Variants in KLHL1 observed in about 807,000 individuals in gnomAD.
KLHL1 encodes the protein kelch-like protein 1.
KLHL1 carries 47 observed loss-of-function variants against 77.7 expected under a neutral mutation model. The observed-to-expected ratio is 0.60, with a 90% CI of 0.48 to 0.77. KLHL1 has a LOEUF of 0.77. Ranked by LOEUF, KLHL1 falls within the 30% of genes least tolerant of loss-of-function variation. The probability of loss-of-function intolerance (pLI) is 0.00; values close to 1 mark genes in which losing one functional copy is unlikely to be tolerated. For synonymous variants in KLHL1, 360 were observed against 325.2 expected (o/e 1.11, Z -1.15); for missense variants, 925 against 910.8 (o/e 1.02, Z -0.20).
intron 8 of KLHL1, among the ~76,000 whole-genome samples, chr13:69,722,299 A>G (rs1307944688): frequency 6.6e-6 from 1 of 152,158 alleles, no homozygotes; most frequent in East Asian, 1.9e-4. Context: ...GCAATAATAG[A>G]TCATACATTT....
chr13:70,041,579 G>T (rs982550444), intron 1 of KLHL1, among the ~76,000 whole-genome samples: 35 of 152,088 alleles, frequency 2.3e-4, no homozygotes, highest in African/African-American at 8.2e-4. Context: ...GCCTGGAAGG[G>T]GTAGTGTAAG....
At chr13:69,759,398 C>T (rs959471008) in intron 7 of KLHL1, among the ~76,000 whole-genome samples, 2 of 152,124 alleles carry the variant, frequency 1.3e-5, no homozygotes, top group Non-Finnish European at 2.9e-5. Flanking sequence ...CTGCATAAAC[C>T]TGTCTAACCA....
rs140107541 is a variant in KLHL1, at chr13:69,930,417, T to C, written c.1014+9623A>G. 3.0e-4 allele frequency among the ~76,000 whole-genome samples: 45 copies of C among 151,962 alleles called. 1 individual carries two copies. Among genetic ancestry groups the C allele is most frequent in the African/African-American group, 1.0e-3 (43 of 41,546 alleles). ...AGCTTTTCAAATGCACACCACATCA[T>C]TGGTCACTTAAAAACCAAGCTTTAG... On this transcript the variant is annotated intron_variant, in intron 4 of 10. Coordinates refer to ENST00000377844, the MANE Select transcript of KLHL1 (RefSeq NM_020866.3).
chr13:69,882,556 T>C (rs1176047877), intron 4 of KLHL1, 61 bp from the exon 5 acceptor site: 1 of 1,165,260 alleles, frequency 8.6e-7, no homozygotes, highest in Admixed American at 1.9e-5. Flanking sequence ...TAGTAAAGCA[T>C]TTCAGAAAGA....
At chr13:69,971,148 C>T (rs748680491) in intron 2 of KLHL1, among the ~76,000 whole-genome samples, 2 of 152,036 alleles carry the variant, frequency 1.3e-5, no homozygotes, top group African/African-American at 2.4e-5. Context: ...AACTTGGGTA[C>T]ATTTTAAATT....
chr13:70,100,283 T>G (rs1451920718), intron 1 of KLHL1, among the ~76,000 whole-genome samples: 1 of 152,056 alleles, frequency 6.6e-6, no homozygotes, highest in Non-Finnish European at 1.5e-5. Flanking sequence ...TTTATTAATA[T>G]TATAACATGT....
At chr13:69,780,973 G>A (rs1261275729) in intron 7 of KLHL1, among the ~76,000 whole-genome samples, 2 of 146,186 alleles carry the variant, frequency 1.4e-5, no homozygotes, top group Admixed American at 1.4e-4. Context: ...TCTAACTGAA[G>A]CATCCCCAGA....
intron 1 of KLHL1, among the ~76,000 whole-genome samples, chr13:70,031,752 G>T (rs772504290): frequency 6.6e-6 from 1 of 152,182 alleles, no homozygotes; most frequent in African/African-American, 2.4e-5. Flanking sequence ...ATTTCCTCCA[G>T]TTGTTCTAGA....
Position 69,796,783 on chromosome 13 carries a change from T to A in KLHL1, c.1594A>T (p.Thr532Ser). Residue 532 changes from threonine to serine, a missense_variant, in exon 7 of 11, where the codon ACA becomes TCA. By Grantham distance (58) the Thr-to-Ser change is moderately conservative. Transcript: ENST00000377844. ...GACATTGGTGGTAAGACAGTCCATG[T>A]CTTGGTTTTGGGATTGTAACATTCA... ...TVECYNPKTKTWTVLPPMSTH... is the reference protein window; with the variant it reads ...TVECYNPKTKSWTVLPPMSTH... The A allele has an allele frequency of 6.2e-7, 1 of 1,614,088 alleles. No homozygotes were observed. Among genetic ancestry groups the A allele is most frequent in the Non-Finnish European group, 8.5e-7 (1 of 1,179,996 alleles).
intron 1 of KLHL1, among the ~76,000 whole-genome samples, chr13:70,000,742 T>C (rs1354828731): frequency 6.6e-6 from 1 of 151,746 alleles, no homozygotes; most frequent in Non-Finnish European, 1.5e-5. Flanking sequence ...AATAACAGCA[T>C]TACATTTAAA....
chr13:69,791,572 G>A (rs187149656), intron 7 of KLHL1, among the ~76,000 whole-genome samples: 1 of 152,142 alleles, frequency 6.6e-6, no homozygotes, highest in Non-Finnish European at 1.5e-5. Flanking sequence ...TGTGGGAATG[G>A]CATAAAGATA....
At chr13:69,991,742 A>C (rs1380327871) in intron 1 of KLHL1, among the ~76,000 whole-genome samples, 1 of 151,870 alleles carries the variant, frequency 6.6e-6, no homozygotes, top group African/African-American at 2.4e-5. Context: ...AAAGAGGAGC[A>C]TTCCTACTGA....
chr13:70,012,389 C>CAT (rs1885557124), intron 1 of KLHL1, among the ~76,000 whole-genome samples: 1 of 152,010 alleles, frequency 6.6e-6, no homozygotes, highest in Admixed American at 6.6e-5. Context: ...TTAAGATATT[C>CAT]ATAGATTTTT....
At position 70,067,718 on chromosome 13, in the gene KLHL1, ACAAT is replaced by A. The variant is rs1423227200; in HGVS notation, c.497+39481_497+39484del. Among the ~76,000 whole-genome samples the A allele has an allele frequency of 1.1e-4, 16 of 152,290 alleles. No individual in the cohort carries two copies. The South Asian group carries it at 3.1e-3, about 30-fold the overall frequency. On this transcript the variant is annotated intron_variant, in intron 1 of 10. Coordinates refer to ENST00000377844, the MANE Select transcript of KLHL1 (RefSeq NM_020866.3). ...ATCTCTTTGAAAGAATCTGAAATAA[ACAAT>A]CAATGAGACTTTCTAAGAGCTGCTG...
Position 70,108,298 on chromosome 13 carries a change from G to C in KLHL1, c.-599C>G, listed in dbSNP as rs1013552567. On this transcript the variant is annotated 5_prime_UTR_variant, in exon 1 of 11. Coordinates refer to ENST00000377844, the MANE Select transcript of KLHL1 (RefSeq NM_020866.3). Reference sequence around the variant, plus strand: ...CTTTTCGAGGATGCCCCGATAGCCTGCCGGGTGGCTCTGAGAAAGTCAATT... The same window carrying C: ...CTTTTCGAGGATGCCCCGATAGCCTCCCGGGTGGCTCTGAGAAAGTCAATT... 3.4e-5 allele frequency: 12 copies of C among 354,846 alleles called. No individual in the cohort carries two copies. Among genetic ancestry groups the C allele is most frequent in the African/African-American group, 2.5e-4 (12 of 47,892 alleles). The allele number at this position is 354,846 out of a possible 1,614,324, so 22.0% of individuals were successfully genotyped here.
At chr13:69,809,581 A>T (rs888274995) in intron 6 of KLHL1, among the ~76,000 whole-genome samples, 1 of 152,080 alleles carries the variant, frequency 6.6e-6, no homozygotes, top group African/African-American at 2.4e-5. Context: ...AAATGAAAGG[A>T]TTATACTTGC....
chr13:69,726,924 G>T (rs1469146265), intron 8 of KLHL1, among the ~76,000 whole-genome samples: 1 of 152,042 alleles, frequency 6.6e-6, no homozygotes, highest in Admixed American at 6.6e-5. Context: ...TTTAAAAAAT[G>T]AATGAAGCAC....
rs115855734 is a variant in KLHL1, at chr13:69,849,034, C to T, written c.1228-9872G>A. On this transcript the variant is annotated intron_variant, in intron 5 of 10. Transcript: ENST00000377844. ...TTAACCTTCCACCCTGTATGAACATCGCCTTCATCCTTAATGATTTAATTG... is the reference window on the plus strand; with the variant it reads ...TTAACCTTCCACCCTGTATGAACATTGCCTTCATCCTTAATGATTTAATTG... Among the ~76,000 whole-genome samples, 749 of 151,632 alleles carry T rather than the reference C, an allele frequency of 4.9e-3. 4 individuals carry two copies. Among genetic ancestry groups the T allele is most frequent in the African/African-American group, 0.017 (699 of 41,462 alleles).
intron 1 of KLHL1, among the ~76,000 whole-genome samples, chr13:70,067,415 G>C (rs1400148144): frequency 2.6e-5 from 4 of 152,100 alleles, no homozygotes; most frequent in Non-Finnish European, 5.9e-5. Context: ...ATGTGAAGGG[G>C]AAAGAATTGT....
Sources: gnomAD v4.1 joint callset for allele counts (sites outside exome capture counted in the v4.1 genomes callset) on GRCh38, gnomAD v4.1.1 for gene constraint, MANE v1.5 for transcripts, NCBI Gene and HGNC (gene_info 2026-07-23, HGNC 2026-07-21) for gene names.